Variants in TASP1 observed in about 807,000 individuals in gnomAD.
TASP1 encodes the protein threonine aspartase 1.
TASP1 carries 16 observed loss-of-function variants against 56.6 expected under a neutral mutation model. The observed-to-expected ratio is 0.28, with a 90% CI of 0.19 to 0.43. The LOEUF (loss-of-function observed/expected upper bound fraction) is 0.43, where lower values mean the gene tolerates loss of function less well. Ranked by LOEUF, TASP1 falls within the 20% of genes least tolerant of loss-of-function variation. The pLI is 1.00. For missense variants in TASP1, 393 were observed against 511.6 expected (o/e 0.77, Z 2.24); for synonymous variants, 179 against 184.2 (o/e 0.97, Z 0.23).
Position 13,468,114 on chromosome 20 carries a change from A to T in TASP1, c.985+15113T>A, listed in dbSNP as rs1404165573. Among the ~76,000 whole-genome samples the T allele has an allele frequency of 2.0e-5, 3 of 152,192 alleles. No homozygotes were observed. In the East Asian group the frequency reaches 5.8e-4, roughly 29 times the overall value. ...AACACACTGAAAATTTTCCTAACAA[A>T]TACAATTACAGAATTCCTAATCACA... On this transcript the variant is annotated intron_variant, in intron 11 of 13. Coordinates refer to ENST00000337743, the MANE Select transcript of TASP1 (RefSeq NM_017714.3).
At chr20:13,413,693 C>T (rs921302942) in intron 13 of TASP1, among the ~76,000 whole-genome samples, 5 of 152,034 alleles carry the variant, frequency 3.3e-5, no homozygotes, top group African/African-American at 1.2e-4. Context: ...ATCAAATGTG[C>T]CACAAGACCC....
intron 11 of TASP1, among the ~76,000 whole-genome samples, chr20:13,482,253 T>C (rs1408002596): frequency 2.6e-5 from 4 of 152,176 alleles, no homozygotes; most frequent in Non-Finnish European, 5.9e-5. Context: ...CTGGGTTCTA[T>C]ATTCTGTTCC....
At chr20:13,525,482 A>G (rs1230302504) in intron 10 of TASP1, among the ~76,000 whole-genome samples, 1 of 152,122 alleles carries the variant, frequency 6.6e-6, no homozygotes, top group Non-Finnish European at 1.5e-5. Context: ...TGAGAACAAG[A>G]TGCTAGAGTT....
chr20:13,294,211 T>C, the TASP1 span, among the ~76,000 whole-genome samples: 1 of 152,126 alleles, frequency 6.6e-6, no homozygotes, highest in South Asian at 2.1e-4. Flanking sequence ...TTGATAGAAA[T>C]TTATTTTAAA....
chr20:13,178,237 CA>C, the TASP1 span, among the ~76,000 whole-genome samples: 2 of 151,658 alleles, frequency 1.3e-5, no homozygotes, highest in Non-Finnish European at 2.9e-5. Context: ...TGACTGTTAT[CA>C]AAAAAACAGA....
intron 10 of TASP1, among the ~76,000 whole-genome samples, chr20:13,499,408 T>C (rs2043859256): frequency 1.3e-5 from 2 of 150,134 alleles, no homozygotes; most frequent in African/African-American, 4.9e-5. Context: ...AATATACCCA[T>C]GTAACAAACC....
chr20:13,163,410 C>T, the TASP1 span, among the ~76,000 whole-genome samples: 22 of 151,066 alleles, frequency 1.5e-4, no homozygotes, highest in Admixed American at 1.4e-3. Flanking sequence ...TAATGTTTTC[C>T]TCCTGCATCC....
chr20:13,493,365 T>C (rs559522492), intron 10 of TASP1, among the ~76,000 whole-genome samples: 2 of 152,252 alleles, frequency 1.3e-5, no homozygotes, highest in South Asian at 4.2e-4. Context: ...TCAATGTGGG[T>C]AGGTGCTATC....
the TASP1 span, among the ~76,000 whole-genome samples, chr20:13,235,578 T>C: frequency 1.3e-5 from 2 of 152,316 alleles, no homozygotes; most frequent in East Asian, 1.9e-4. Context: ...ACTGAGAAGT[T>C]AGAGCTGGAG....
At chr20:13,293,573 T>C in the TASP1 span, among the ~76,000 whole-genome samples, 1 of 152,036 alleles carries the variant, frequency 6.6e-6, no homozygotes, top group African/African-American at 2.4e-5. Context: ...AAATGCCTAT[T>C]GGGGTCAGGT....
intron 12 of TASP1, among the ~76,000 whole-genome samples, chr20:13,430,152 C>T (rs574459276): frequency 5.3e-5 from 8 of 152,174 alleles, no homozygotes; most frequent in Non-Finnish European, 1.0e-4. Flanking sequence ...AACCAAAACC[C>T]AACAGCTGCC....
chr20:13,470,649 T>C (rs1258983405), intron 11 of TASP1, among the ~76,000 whole-genome samples: 2 of 152,194 alleles, frequency 1.3e-5, no homozygotes, highest in Non-Finnish European at 2.9e-5. Flanking sequence ...AGGTATACAT[T>C]TGTGTACTAA....
chr20:13,374,139 G>T, the TASP1 span, among the ~76,000 whole-genome samples: 6 of 152,022 alleles, frequency 3.9e-5, no homozygotes, highest in Non-Finnish European at 8.8e-5. Flanking sequence ...ATGAGATATT[G>T]TCTTCATACT....
Position 13,578,118 on chromosome 20 carries a change from G to A in TASP1, c.488+2779C>T, listed in dbSNP as rs78342919. Among the ~76,000 whole-genome samples the A allele has an allele frequency of 9.1e-3, 1,383 of 152,094 alleles. 6 individuals are homozygous for A. Among genetic ancestry groups the A allele is most frequent in the Middle Eastern group, 0.017 (5 of 290 alleles). On this transcript the variant is annotated intron_variant, in intron 6 of 13. Coordinates refer to ENST00000337743, the MANE Select transcript of TASP1 (RefSeq NM_017714.3). ...GCTGTTTATGTTCCCATCAACAGCA[G>A]AAGAATCTATTTTTCTGCACCCTGA... is the stretch of plus-strand genomic sequence containing the variant.
intron 6 of TASP1, among the ~76,000 whole-genome samples, chr20:13,573,634 T>C (rs1601299947): frequency 6.6e-6 from 1 of 152,178 alleles, no homozygotes; most frequent in East Asian, 1.9e-4. Context: ...TAATTTCTAT[T>C]ATAATCTAGA....
At chr20:13,593,704 C>G (rs984309957) in intron 4 of TASP1, among the ~76,000 whole-genome samples, 1 of 152,168 alleles carries the variant, frequency 6.6e-6, no homozygotes, top group East Asian at 1.9e-4. Flanking sequence ...CTGGGAAGCT[C>G]GAACTGGGTG....
At chr20:13,356,320 G>C in the TASP1 span, among the ~76,000 whole-genome samples, 6 of 152,180 alleles carry the variant, frequency 3.9e-5, no homozygotes, top group Non-Finnish European at 8.8e-5. Flanking sequence ...AGCAATTGTT[G>C]TAAAGCACAG....
chr20:13,288,280 G>A, the TASP1 span, among the ~76,000 whole-genome samples: 19 of 152,298 alleles, frequency 1.2e-4, no homozygotes, highest in Admixed American at 1.2e-3. Flanking sequence ...GCAAATGTAT[G>A]CATTCTCAGT....
intron 1 of TASP1, among the ~76,000 whole-genome samples, chr20:13,637,497 T>C (rs1600230836): frequency 6.6e-6 from 1 of 152,348 alleles, no homozygotes; most frequent in East Asian, 1.9e-4. Flanking sequence ...TAAATGTCCA[T>C]CGACCGATGA....
Sources: allele counts gnomAD v4.1 joint callset (sites outside exome capture counted in the v4.1 genomes callset), GRCh38; gene constraint gnomAD v4.1.1; transcripts MANE v1.5; gene names NCBI Gene and HGNC (gene_info 2026-07-23, HGNC 2026-07-21).